Variants in SRGAP2 observed in about 807,000 individuals in gnomAD.
The protein encoded by SRGAP2 is SLIT-ROBO Rho GTPase activating protein 2.
In SRGAP2, 15 loss-of-function variants were observed where a neutral mutation model predicts 57.2. The ratio of observed to expected loss-of-function variants is 0.26; its 90% CI spans 0.18 to 0.40. SRGAP2 has a LOEUF of 0.40. SRGAP2 is among the 10% of genes least tolerant of loss of function. The pLI, the probability that SRGAP2 is intolerant of heterozygous loss-of-function variation, is 1.00. For missense variants in SRGAP2, 520 were observed against 669.6 expected (o/e 0.78, Z 2.47); for synonymous variants, 249 against 248.0 (o/e 1.00, Z -0.04).
In SRGAP2 at chr1:206,462,595, G is replaced by T. The variant is rs1430049980; in HGVS notation, c.*1175G>T. 6.6e-6 allele frequency: 1 copy of T among 152,152 alleles called. No individual in the cohort carries two copies. The highest frequency in any genetic ancestry group is 1.5e-5 in the Non-Finnish European group (1 of 68,034). 9.4% of individuals were successfully genotyped at this position (152,152 alleles called of 1,614,324 possible). The stretch of plus-strand genomic sequence containing the variant: ...AAGGTCTCTCTTCAGGGACCAACAG[G>T]GGCTTAGAGAGCCTTAGTTAGATTA... On this transcript the variant is annotated 3_prime_UTR_variant, in exon 23 of 23. Coordinates refer to ENST00000573034, the MANE Select transcript of SRGAP2 (RefSeq NM_015326.5).
chr1:206,261,671 A>G (rs1414958326), intron 2 of SRGAP2, among the ~76,000 whole-genome samples: 1 of 152,154 alleles, frequency 6.6e-6, no homozygotes, highest in African/African-American at 2.4e-5. Flanking sequence ...GCTAAGAAGT[A>G]AGTACAGTGC....
intron 17 of SRGAP2, among the ~76,000 whole-genome samples, chr1:206,440,552 TC>T (rs1307286631): frequency 1.3e-5 from 2 of 151,748 alleles, no homozygotes; most frequent in Admixed American, 6.6e-5. Context: ...TAGAAGATTT[TC>T]TTTTTTTTTT....
At chr1:206,284,203 C>A (rs1670892180) in intron 2 of SRGAP2, among the ~76,000 whole-genome samples, 1 of 139,194 alleles carries the variant, frequency 7.2e-6, no homozygotes, top group Admixed American at 7.3e-5. Flanking sequence ...CACCTTGTAG[C>A]TATGGAATGC....
intron 14 of SRGAP2, among the ~76,000 whole-genome samples, chr1:206,431,525 T>C (rs1661274989): frequency 6.6e-6 from 1 of 152,240 alleles, no homozygotes. Context: ...ATGAATTATT[T>C]GTGCCTAAGA....
rs546070500 is a variant in SRGAP2 at position 206,365,627 on chromosome 1, G to A, written c.424-18387G>A. On this transcript the variant is annotated intron_variant, in intron 4 of 22. Transcript: ENST00000573034. Reference sequence around the variant, plus strand: ...TCACACTTCAAATGTTTGGCTTGGCGTCCACAAATCAACTCAGGGCCGGGG... The same window carrying A: ...TCACACTTCAAATGTTTGGCTTGGCATCCACAAATCAACTCAGGGCCGGGG... Among the ~76,000 whole-genome samples, 453 of 132,320 alleles carry A rather than the reference G, an allele frequency of 3.4e-3. 5 individuals carry two copies. The highest frequency in any genetic ancestry group is 0.013 in the African/African-American group (412 of 30,796). The allele number at this position is 132,320 out of a possible 152,430, so 86.8% of individuals were successfully genotyped here. A position where few individuals can be genotyped will look rare whatever the true frequency, so the allele number is the denominator to read the frequency against.
chr1:206,341,002 A>G (rs1675145170), intron 3 of SRGAP2, among the ~76,000 whole-genome samples: 2 of 152,212 alleles, frequency 1.3e-5, no homozygotes, highest in South Asian at 4.1e-4. Flanking sequence ...GGTGAGTGGT[A>G]CCTGGATATA....
chr1:206,408,020 A>G (rs1553358041), intron 10 of SRGAP2: 1 of 150,874 alleles, frequency 6.6e-6, no homozygotes, highest in African/African-American at 2.4e-5. Flanking sequence ...AATGCTAAAA[A>G]TTTATCTTCA....
At chr1:206,370,161 G>A (rs1654395085) in intron 4 of SRGAP2, among the ~76,000 whole-genome samples, 2 of 152,024 alleles carry the variant, frequency 1.3e-5, no homozygotes, top group South Asian at 2.1e-4. Context: ...AGCTACTGGG[G>A]AAGCTGAGGC....
At chr1:206,437,839 A>G (rs782526336) in intron 15 of SRGAP2, 125 bp from the exon 16 acceptor site, 9 of 704,078 alleles carry the variant, frequency 1.3e-5, no homozygotes, top group Middle Eastern at 4.0e-4. Flanking sequence ...CATGGCCACC[A>G]TGCCGGGCAG....
At chr1:206,431,244 G>A (rs1661255385) in intron 14 of SRGAP2, among the ~76,000 whole-genome samples, 1 of 152,196 alleles carries the variant, frequency 6.6e-6, no homozygotes, top group Admixed American at 6.5e-5. Flanking sequence ...TTGTATATCA[G>A]TATTGAACAG....
intron 5 of SRGAP2, among the ~76,000 whole-genome samples, chr1:206,385,009 T>G (rs1656070870): frequency 6.8e-6 from 1 of 146,646 alleles, no homozygotes; most frequent in African/African-American, 2.6e-5. Context: ...TCTTCCTTTG[T>G]TTTTTTTTTT....
rs560685633 is a variant in SRGAP2, at chr1:206,461,456, A to G, written c.*36A>G. 3.5e-5 allele frequency: 24 copies of G among 694,536 alleles called. No individual in the cohort carries two copies. The African/African-American group carries it at 3.9e-4, about 11-fold the overall frequency. The allele number at this position is 694,536 out of a possible 1,614,324, so 43.0% of individuals were successfully genotyped here. A position where few individuals can be genotyped will look rare whatever the true frequency, so the allele number is the denominator to read the frequency against. On this transcript the variant is annotated 3_prime_UTR_variant, in exon 23 of 23. Coordinates refer to ENST00000573034, the MANE Select transcript of SRGAP2 (RefSeq NM_015326.5). ...TTTAATTGTTCTAGACAAGGGGACT[A>G]TAGGGACTGACTGTTATTAAAATCT...
intron 13 of SRGAP2, among the ~76,000 whole-genome samples, chr1:206,425,872 G>T: frequency 6.9e-6 from 1 of 145,238 alleles, no homozygotes; most frequent in East Asian, 2.0e-4. Flanking sequence ...TTGAGATGGA[G>T]TTTCACTCTT....
intron 8 of SRGAP2, among the ~76,000 whole-genome samples, chr1:206,401,930 G>A (rs1267236293): frequency 1.3e-5 from 2 of 151,952 alleles, no homozygotes; most frequent in Admixed American, 1.3e-4. Context: ...ATAGAGAGGG[G>A]TATCCAAAGG....
At chr1:206,295,330 T>C (rs1286059456) in intron 2 of SRGAP2, among the ~76,000 whole-genome samples, 2 of 152,142 alleles carry the variant, frequency 1.3e-5, no homozygotes, top group African/African-American at 4.8e-5. Flanking sequence ...TTCAAGCGAT[T>C]CTCCTGCCTC....
intron 8 of SRGAP2, among the ~76,000 whole-genome samples, chr1:206,402,875 C>CA (rs1209853779): frequency 7.2e-6 from 1 of 138,202 alleles, no homozygotes; most frequent in Non-Finnish European, 1.6e-5. Flanking sequence ...CCAAAGCTAC[C>CA]AAAAAAAGGA....
chr1:206,223,064 G>A (rs6692482), intron 2 of SRGAP2, among the ~76,000 whole-genome samples: 3 of 151,674 alleles, frequency 2.0e-5, no homozygotes, highest in East Asian at 3.9e-4. Context: ...GTGAGCCACC[G>A]TGCCCGGCCT....
chr1:206,208,744 T>C (rs1344472684), intron 2 of SRGAP2, among the ~76,000 whole-genome samples: 1 of 151,918 alleles, frequency 6.6e-6, no homozygotes, highest in East Asian at 1.9e-4. Flanking sequence ...ATGGGACTCA[T>C]GGTGCTGCCA....
intron 2 of SRGAP2, among the ~76,000 whole-genome samples, chr1:206,285,770 C>T (rs1174312343): frequency 1.3e-5 from 2 of 152,076 alleles, no homozygotes; most frequent in African/African-American, 4.8e-5. Flanking sequence ...TGGGCTCAAG[C>T]GGTTCTCATG....
Sources: allele counts gnomAD v4.1 joint callset (sites outside exome capture counted in the v4.1 genomes callset), GRCh38; gene constraint gnomAD v4.1.1; transcripts MANE v1.5; gene names NCBI Gene and HGNC (gene_info 2026-07-23, HGNC 2026-07-21).